PDE3B: variants seen among roughly 807,000 people sequenced by gnomAD.
PDE3B encodes cGMP-inhibited 3',5'-cyclic phosphodiesterase 3B.
A neutral mutation model predicts 116.8 loss-of-function variants in PDE3B; 66 were observed. The observed-to-expected ratio is 0.56, with a 90% CI of 0.46 to 0.69. PDE3B has a LOEUF of 0.69. PDE3B is among the 30% of genes least tolerant of loss of function. The pLI is 0.00. For synonymous variants in PDE3B, 595 were observed against 533.6 expected, an observed-to-expected ratio of 1.12 and a Z score of -1.59; for missense variants, 1,384 against 1,368.1, an observed-to-expected ratio of 1.01 and a Z score of -0.18.
At chr11:14,861,962 AGT>A (rs1847959331) in intron 14 of PDE3B, among the ~76,000 whole-genome samples, 1 of 152,168 alleles carries the variant, frequency 6.6e-6, no homozygotes, top group Non-Finnish European at 1.5e-5. Flanking sequence ...CCACATACAC[AGT>A]GTGTTTACTG....
the PDE3B span, chr11:14,879,160 G>A: frequency 6.2e-7 from 1 of 1,613,056 alleles, no homozygotes; most frequent in African/African-American, 1.3e-5. Flanking sequence ...AATATCCACT[G>A]CTGTCCAGAA....
At chr11:14,819,853 G>A (rs1374706594) in intron 7 of PDE3B, among the ~76,000 whole-genome samples, 1 of 152,000 alleles carries the variant, frequency 6.6e-6, no homozygotes, top group South Asian at 2.1e-4. Flanking sequence ...CTGGAGTTTG[G>A]GGCTATCAAA....
chr11:14,687,278 T>A (rs1160224020), intron 1 of PDE3B, among the ~76,000 whole-genome samples: 1 of 152,148 alleles, frequency 6.6e-6, no homozygotes, highest in African/African-American at 2.4e-5. Flanking sequence ...GGCAGAAAAA[T>A]TATTAAATTG....
intron 1 of PDE3B, among the ~76,000 whole-genome samples, chr11:14,681,036 T>C (rs1237582858): frequency 5.3e-5 from 8 of 152,198 alleles, no homozygotes; most frequent in Non-Finnish European, 1.5e-5. Context: ...TATTTTTGGC[T>C]TACAGTATTC....
At chr11:14,823,946 T>G (rs1033834736) in intron 7 of PDE3B, among the ~76,000 whole-genome samples, 4 of 152,106 alleles carry the variant, frequency 2.6e-5, no homozygotes, top group African/African-American at 9.7e-5. Flanking sequence ...GAGGGGTGGG[T>G]TGCTATCTTT....
intron 1 of PDE3B, among the ~76,000 whole-genome samples, chr11:14,656,245 T>G (rs989373711): frequency 1.3e-5 from 2 of 152,162 alleles, no homozygotes; most frequent in African/African-American, 2.4e-5. Flanking sequence ...GCTTGACTAT[T>G]GATTAATGCA....
intron 1 of PDE3B, among the ~76,000 whole-genome samples, chr11:14,766,910 T>C (rs1227045297): frequency 2.0e-5 from 3 of 151,762 alleles, no homozygotes; most frequent in Admixed American, 2.0e-4. Context: ...TCCTCAAGTG[T>C]ATTACACATA....
chr11:14,731,420 G>A (rs1856456279), intron 1 of PDE3B, among the ~76,000 whole-genome samples: 1 of 151,622 alleles, frequency 6.6e-6, no homozygotes, highest in Admixed American at 6.6e-5. Flanking sequence ...CACCACACCC[G>A]GCTACTTTTT....
At chr11:14,748,140 G>A (rs917016794) in intron 1 of PDE3B, among the ~76,000 whole-genome samples, 3 of 152,110 alleles carry the variant, frequency 2.0e-5, no homozygotes, top group Admixed American at 1.3e-4. Flanking sequence ...ATAGGCATAG[G>A]CCTATAATAT....
intron 2 of PDE3B, among the ~76,000 whole-genome samples, chr11:14,783,943 A>T (rs907588008): frequency 1.4e-4 from 22 of 152,326 alleles, no homozygotes; most frequent in African/African-American, 4.8e-4. Context: ...AGCAGTGGGC[A>T]GATGAGCATT....
intron 1 of PDE3B, among the ~76,000 whole-genome samples, chr11:14,687,800 A>G (rs938100594): frequency 3.3e-5 from 5 of 152,212 alleles, no homozygotes; most frequent in Non-Finnish European, 7.3e-5. Context: ...TTATTTGTCA[A>G]TATCTAATTG....
intron 13 of PDE3B, 138 bp downstream of exon 13, chr11:14,859,384 T>C: frequency 6.0e-6 from 3 of 502,350 alleles, no homozygotes; most frequent in Non-Finnish European, 1.0e-5. Context: ...ATAATATATA[T>C]GCCTATATTT....
intron 1 of PDE3B, among the ~76,000 whole-genome samples, chr11:14,665,170 A>G (rs1392341703): frequency 6.6e-6 from 1 of 152,244 alleles, no homozygotes; most frequent in African/African-American, 2.4e-5. Context: ...CAAAAACCAC[A>G]TGATTATCTC....
Position 14,763,598 on chromosome 11 carries a change from G to T in PDE3B, c.979-8339G>T, listed in dbSNP as rs540045477. ...AAAAATGATGATGAGAGAGAGAATT[G>T]CTGCTGAAATATCTTCAGGTAGGGA... is the stretch of plus-strand genomic sequence containing the variant. On this transcript the variant is annotated intron_variant, in intron 1 of 15. Coordinates refer to ENST00000282096, the MANE Select transcript of PDE3B (RefSeq NM_000922.4). 1.3e-4 allele frequency among the ~76,000 whole-genome samples: 20 copies of T among 152,072 alleles called. No individual in the cohort carries two copies. The South Asian group carries it at 4.2e-3, about 32-fold the overall frequency.
intron 8 of PDE3B, among the ~76,000 whole-genome samples, chr11:14,831,321 C>T (rs1859876652): frequency 1.3e-5 from 2 of 151,400 alleles, no homozygotes; most frequent in Admixed American, 1.3e-4. Flanking sequence ...TCCTCTTACC[C>T]TTTGATACCT....
chr11:14,806,721 T>C (rs1273374895), intron 5 of PDE3B, among the ~76,000 whole-genome samples: 1 of 149,014 alleles, frequency 6.7e-6, no homozygotes, highest in Non-Finnish European at 1.5e-5. Context: ...TAGCCGGGCG[T>C]AGTGGCGGGC....
intron 2 of PDE3B, among the ~76,000 whole-genome samples, chr11:14,777,234 T>A (rs933281702): frequency 6.6e-6 from 1 of 151,986 alleles, no homozygotes; most frequent in Non-Finnish European, 1.5e-5. Flanking sequence ...AGAAACAAAA[T>A]CAGCAAGCCT....
chr11:14,865,290 C>T (rs1455184991), intron 14 of PDE3B, among the ~76,000 whole-genome samples: 9 of 152,116 alleles, frequency 5.9e-5, no homozygotes, highest in Non-Finnish European at 7.4e-5. Context: ...TGTAGGAGTG[C>T]ACTGATTTCC....
chr11:14,695,276 C>G (rs1159878980), intron 1 of PDE3B, among the ~76,000 whole-genome samples: 1 of 152,112 alleles, frequency 6.6e-6, no homozygotes, highest in Non-Finnish European at 1.5e-5. Context: ...TACGTTATCA[C>G]CAGTTTGTTG....
Sources: allele counts gnomAD v4.1 joint callset (sites outside exome capture counted in the v4.1 genomes callset), GRCh38; gene constraint gnomAD v4.1.1; transcripts MANE v1.5; gene names NCBI Gene and HGNC (gene_info 2026-07-23, HGNC 2026-07-21).